USH2A: variants seen among roughly 807,000 people sequenced by gnomAD.
USH2A encodes usherin.
In USH2A, 443 loss-of-function variants were observed where a neutral mutation model predicts 538.9. That is an observed-to-expected ratio of 0.82 (90% CI 0.76 to 0.89). The LOEUF is 0.89. Among genes scored for constraint, USH2A ranks in the 40% least tolerant of loss-of-function variants. USH2A has a pLI of 0.00. For missense variants in USH2A, 6,633 were observed against 6,324.8 expected (o/e 1.05, Z -1.65); for synonymous variants, 2,413 against 2,273.5 (o/e 1.06, Z -1.75).
intron 61 of USH2A, among the ~76,000 whole-genome samples, chr1:215,717,850 A>T (rs1659530623): frequency 6.6e-6 from 1 of 152,180 alleles, no homozygotes; most frequent in Non-Finnish European, 1.5e-5. Context: ...AACGGAAAAT[A>T]CCCTGACAAT....
chr1:216,162,605 G>T (rs1199145875), intron 21 of USH2A, among the ~76,000 whole-genome samples: 4 of 152,028 alleles, frequency 2.6e-5, no homozygotes, highest in African/African-American at 9.7e-5. Context: ...ACCTTACTCA[G>T]CCTTGGCTTT....
At chr1:216,359,593 G>A (rs2102701726) in intron 4 of USH2A, among the ~76,000 whole-genome samples, 1 of 152,056 alleles carries the variant, frequency 6.6e-6, no homozygotes, top group Non-Finnish European at 1.5e-5. Flanking sequence ...AGGTCATACA[G>A]AAAAACAAAA....
chr1:215,812,623 C>T (rs1207117772), intron 49 of USH2A, among the ~76,000 whole-genome samples: 1 of 152,140 alleles, frequency 6.6e-6, no homozygotes, highest in Non-Finnish European at 1.5e-5. Flanking sequence ...TTCCTATGGC[C>T]TCCAAAAAAC....
intron 37 of USH2A, among the ~76,000 whole-genome samples, chr1:215,956,955 A>C (rs1410715318): frequency 6.6e-6 from 1 of 152,192 alleles, no homozygotes; most frequent in Admixed American, 6.5e-5. Flanking sequence ...AATATTTGAA[A>C]TGACAGATAT....
intron 38 of USH2A, among the ~76,000 whole-genome samples, chr1:215,909,593 A>T (rs1251819497): frequency 2.0e-5 from 3 of 151,974 alleles, no homozygotes; most frequent in Non-Finnish European, 4.4e-5. Context: ...TCTTAAAAAT[A>T]AAGTCTACTA....
At chr1:215,761,369 C>T (rs1660976959) in intron 56 of USH2A, among the ~76,000 whole-genome samples, 1 of 152,094 alleles carries the variant, frequency 6.6e-6, no homozygotes, top group African/African-American at 2.4e-5. Flanking sequence ...ATCGCATGGC[C>T]TTTTCTATTT....
intron 49 of USH2A, among the ~76,000 whole-genome samples, chr1:215,799,583 T>C (rs1662259122): frequency 6.6e-6 from 1 of 151,994 alleles, no homozygotes; most frequent in Admixed American, 6.6e-5. Context: ...TGAGAGGAGG[T>C]AAAAAATACT....
chr1:216,391,513 T>C (rs1209344894), intron 3 of USH2A, among the ~76,000 whole-genome samples: 1 of 152,206 alleles, frequency 6.6e-6, no homozygotes, highest in African/African-American at 2.4e-5. Flanking sequence ...TGGATTAGTA[T>C]AAGAGTTTCT....
At chr1:216,308,508 G>T (rs1010326878) in intron 9 of USH2A, among the ~76,000 whole-genome samples, 13 of 151,932 alleles carry the variant, frequency 8.6e-5, no homozygotes, top group Non-Finnish European at 1.6e-4. Flanking sequence ...TGAATTACTT[G>T]TTCACTTCTT....
chr1:215,708,514 T>A (rs1571974827), intron 61 of USH2A, among the ~76,000 whole-genome samples: 2 of 152,234 alleles, frequency 1.3e-5, no homozygotes, highest in South Asian at 4.1e-4. Context: ...GGGATCCGTT[T>A]CATGGAAGAC....
At chr1:215,981,414 T>C (rs957449756) in intron 35 of USH2A, among the ~76,000 whole-genome samples, 1 of 152,150 alleles carries the variant, frequency 6.6e-6, no homozygotes, top group Non-Finnish European at 1.5e-5. Context: ...TAGTAACTCG[T>C]TTATTATTAT....
At chr1:215,884,071 G>C (rs143866733) in intron 41 of USH2A, among the ~76,000 whole-genome samples, 1 of 152,004 alleles carries the variant, frequency 6.6e-6, no homozygotes, top group Non-Finnish European at 1.5e-5. Flanking sequence ...CCTGTCAAGG[G>C]GTGGAGGGTA....
chr1:215,840,163 CAAAAAAAAAAAAA>C (rs60766928), intron 46 of USH2A, among the ~76,000 whole-genome samples: 12 of 29,526 alleles, frequency 4.1e-4, no homozygotes, highest in African/African-American at 1.3e-3. Flanking sequence ...GACTCTGTCT[CAAAAAAAAAAAAA>C]AAAAAAAAAA....
chr1:215,801,332 G>C (rs1413320018), intron 49 of USH2A, among the ~76,000 whole-genome samples: 1 of 150,726 alleles, frequency 6.6e-6, no homozygotes, highest in Non-Finnish European at 1.5e-5. Context: ...AATTGAAAGG[G>C]AAGAAGCAAA....
intron 3 of USH2A, among the ~76,000 whole-genome samples, chr1:216,389,686 C>T (rs1180521552): frequency 6.6e-6 from 1 of 152,036 alleles, no homozygotes; most frequent in Non-Finnish European, 1.5e-5. Flanking sequence ...AGTAAATATA[C>T]ATCTTACTTA....
chr1:216,393,559 T>G (rs2039149011), intron 3 of USH2A, among the ~76,000 whole-genome samples: 1 of 152,196 alleles, frequency 6.6e-6, no homozygotes, highest in African/African-American at 2.4e-5. Flanking sequence ...TCTTGATTTT[T>G]TTATTTTCTC....
intron 46 of USH2A, among the ~76,000 whole-genome samples, chr1:215,843,254 C>T (rs76992333): frequency 0.04 from 6,013 of 152,148 alleles, 144 homozygotes; most frequent in African/African-American, 0.069. Context: ...AATTATCTTA[C>T]GAAGCTCTTA....
intron 35 of USH2A, among the ~76,000 whole-genome samples, chr1:215,980,413 T>C (rs927090458): frequency 1.3e-5 from 2 of 152,160 alleles, no homozygotes; most frequent in African/African-American, 4.8e-5. Flanking sequence ...ACCTATTCTT[T>C]CTACATTTTA....
intron 70 of USH2A, 59 bp from the exon 71 acceptor site, chr1:215,629,094 C>T: frequency 6.6e-7 from 1 of 1,507,462 alleles, no homozygotes; most frequent in African/African-American, 1.4e-5. Context: ...TGAAATATGA[C>T]AGAGAATTGT....
Sources: allele counts gnomAD v4.1 joint callset (sites outside exome capture counted in the v4.1 genomes callset), GRCh38; gene constraint gnomAD v4.1.1; transcripts MANE v1.5; gene names NCBI Gene and HGNC (gene_info 2026-07-23, HGNC 2026-07-21).